DNER: variants seen among roughly 807,000 people sequenced by gnomAD.
DNER encodes delta/notch like EGF repeat containing.
DNER carries 33 observed loss-of-function variants against 78.2 expected under a neutral mutation model. That is an observed-to-expected ratio of 0.42 (90% CI 0.32 to 0.56). The LOEUF is 0.56. Among genes scored for constraint, DNER ranks in the 20% least tolerant of loss-of-function variants. DNER has a pLI of 0.11. For synonymous variants in DNER, 417 were observed against 384.8 expected (o/e 1.08, Z -0.98); for missense variants, 918 against 975.3 (o/e 0.94, Z 0.78).
intron 5 of DNER, among the ~76,000 whole-genome samples, chr2:229,543,269 G>C (rs1024921305): frequency 7.9e-5 from 12 of 152,104 alleles, no homozygotes; most frequent in Non-Finnish European, 1.6e-4. Context: ...CTTTTGATTC[G>C]CTTTTTTTCA....
At chr2:229,359,932 AC>A (rs1254265773) in intron 12 of DNER, among the ~76,000 whole-genome samples, 1 of 152,128 alleles carries the variant, frequency 6.6e-6, no homozygotes, top group East Asian at 1.9e-4. Context: ...CCTCAGAAAA[AC>A]CCACAGCTAT....
intron 4 of DNER, among the ~76,000 whole-genome samples, chr2:229,577,036 T>C (rs1187333092): frequency 6.6e-6 from 1 of 151,324 alleles, no homozygotes; most frequent in Non-Finnish European, 1.5e-5. Context: ...CTGGTCAGGG[T>C]AAGGGTCGTG....
chr2:229,652,512 T>C (rs1366449374), intron 1 of DNER, among the ~76,000 whole-genome samples: 2 of 152,096 alleles, frequency 1.3e-5, no homozygotes, highest in African/African-American at 2.4e-5. Flanking sequence ...ATCAATATGA[T>C]GTTAAAGAGA....
chr2:229,438,785 T>C (rs576774624), intron 8 of DNER, among the ~76,000 whole-genome samples: 1 of 152,342 alleles, frequency 6.6e-6, no homozygotes, highest in Non-Finnish European at 1.5e-5. Flanking sequence ...ATGGCTACCC[T>C]AAAAGCCCTG....
intron 11 of DNER, among the ~76,000 whole-genome samples, chr2:229,379,771 T>C (rs980120779): frequency 3.3e-5 from 5 of 152,162 alleles, no homozygotes; most frequent in African/African-American, 1.2e-4. Flanking sequence ...TTGGCCAGGA[T>C]AAGAACCAAG....
At chr2:229,415,639 A>G (rs1274841028) in intron 9 of DNER, among the ~76,000 whole-genome samples, 1 of 152,148 alleles carries the variant, frequency 6.6e-6, no homozygotes, top group Non-Finnish European at 1.5e-5. Flanking sequence ...ATCTTCCCCT[A>G]TCTGGATATC....
chr2:229,466,559 T>C (rs1376167160), intron 7 of DNER, among the ~76,000 whole-genome samples: 1 of 152,146 alleles, frequency 6.6e-6, no homozygotes, highest in East Asian at 1.9e-4. Flanking sequence ...CTGATCATAC[T>C]GTCCATGCTG....
intron 9 of DNER, among the ~76,000 whole-genome samples, chr2:229,417,421 G>T (rs1421327145): frequency 6.6e-6 from 1 of 152,174 alleles, no homozygotes; most frequent in Non-Finnish European, 1.5e-5. Context: ...TGATAAATAG[G>T]TTCTCCTGGA....
At chr2:229,488,949 C>A (rs1036110139) in intron 6 of DNER, among the ~76,000 whole-genome samples, 1 of 152,264 alleles carries the variant, frequency 6.6e-6, no homozygotes, top group African/African-American at 2.4e-5. Context: ...CTACCTATAT[C>A]ATCTTATTTA....
At chr2:229,361,729 A>G (rs1425643445) in intron 12 of DNER, among the ~76,000 whole-genome samples, 1 of 152,022 alleles carries the variant, frequency 6.6e-6, no homozygotes, top group Non-Finnish European at 1.5e-5. Context: ...AAAGTATTAT[A>G]TATAATAATT....
Position 229,564,594 on chromosome 2 carries a change from T to TCATCATCATCCTCACCACATCAC in DNER, c.848-17525_848-17503dup, listed in dbSNP as rs1270726165. ...CAACATCATCACCCCATCACCATCA[T>TCATCATCATCCTCACCACATCAC]CATCATCATCCTCACCACATCACCA... is the stretch of plus-strand genomic sequence containing the variant. On this transcript the variant is annotated intron_variant, in intron 4 of 12. Coordinates refer to ENST00000341772, the MANE Select transcript of DNER (RefSeq NM_139072.4). Among the ~76,000 whole-genome samples, 402 of 149,408 alleles carry TCATCATCATCCTCACCACATCAC rather than the reference T, an allele frequency of 2.7e-3. 6 individuals carry two copies. Among genetic ancestry groups the TCATCATCATCCTCACCACATCAC allele is most frequent in the African/African-American group, 9.3e-3 (371 of 39,908 alleles).
intron 8 of DNER, among the ~76,000 whole-genome samples, chr2:229,422,414 C>T (rs576762045): frequency 1.3e-5 from 2 of 152,292 alleles, no homozygotes; most frequent in Admixed American, 6.5e-5. Flanking sequence ...CTGCTCCCAT[C>T]TTTGCATGAT....
At chr2:229,532,219 G>T (rs186193279) in intron 5 of DNER, among the ~76,000 whole-genome samples, 1 of 151,884 alleles carries the variant, frequency 6.6e-6, no homozygotes, top group Admixed American at 6.6e-5. Context: ...GACATCACTC[G>T]CTCAGAAAAG....
At chr2:229,593,847 A>G (rs1697655481) in intron 1 of DNER, among the ~76,000 whole-genome samples, 1 of 152,260 alleles carries the variant, frequency 6.6e-6, no homozygotes, top group South Asian at 2.1e-4. Flanking sequence ...AGGTTGATCT[A>G]GTCACAAATA....
intron 10 of DNER, among the ~76,000 whole-genome samples, chr2:229,398,481 C>T (rs1208342903): frequency 6.6e-6 from 1 of 152,094 alleles, no homozygotes; most frequent in Admixed American, 6.5e-5. Flanking sequence ...CAAAAGAACA[C>T]TTCGCAACTT....
At chr2:229,419,967 C>A (rs1293003280) in intron 8 of DNER, among the ~76,000 whole-genome samples, 1 of 148,894 alleles carries the variant, frequency 6.7e-6, no homozygotes, top group East Asian at 2.0e-4. Flanking sequence ...TACAGTTCTA[C>A]AGGAGGCTGC....
chr2:229,360,471 C>T (rs1692186643), intron 12 of DNER, among the ~76,000 whole-genome samples: 1 of 152,064 alleles, frequency 6.6e-6, no homozygotes, highest in South Asian at 2.1e-4. Context: ...AGTGCAGTGG[C>T]GTGGTCTCGG....
At chr2:229,668,582 A>C (rs1699150945) in intron 1 of DNER, among the ~76,000 whole-genome samples, 1 of 137,660 alleles carries the variant, frequency 7.3e-6, no homozygotes, top group South Asian at 2.3e-4. Flanking sequence ...ATATATATAA[A>C]AGAAGACATT....
chr2:229,599,449 A>C lies in DNER; in HGVS notation c.277-7561T>G, dbSNP rs1039310906. ...CTTGAATTGGATAATTTTTTTTATCACTGGGGGCTCCCCTGTATGTTGTAA... is the reference window on the plus strand; with the variant it reads ...CTTGAATTGGATAATTTTTTTTATCCCTGGGGGCTCCCCTGTATGTTGTAA... On this transcript the variant is annotated intron_variant, in intron 1 of 12. Transcript: ENST00000341772. 4.0e-5 allele frequency among the ~76,000 whole-genome samples: 6 copies of C among 151,786 alleles called. 1 individual carries two copies. Among genetic ancestry groups the C allele is most frequent in the East Asian group, 1.9e-4 (1 of 5,148 alleles).
Sources: allele counts gnomAD v4.1 joint callset (sites outside exome capture counted in the v4.1 genomes callset), GRCh38; gene constraint gnomAD v4.1.1; transcripts MANE v1.5; gene names NCBI Gene and HGNC (gene_info 2026-07-23, HGNC 2026-07-21).